The following METTL16 variants were observed in gnomAD, a reference collection of about 807,000 sequenced individuals.
METTL16 encodes the protein methyltransferase 16, RNA N6-adenosine.
METTL16 carries 19 observed loss-of-function variants against 57.9 expected under a neutral mutation model. The observed-to-expected ratio is 0.33, with a 90% CI of 0.23 to 0.48. The LOEUF (loss-of-function observed/expected upper bound fraction) is 0.48, where lower values mean the gene tolerates loss of function less well. METTL16 is among the 20% of genes least tolerant of loss of function. The pLI is 0.99. For synonymous variants in METTL16, 246 were observed against 255.6 expected, an observed-to-expected ratio of 0.96 and a Z score of 0.36; for missense variants, 434 against 691.5, an observed-to-expected ratio of 0.63 and a Z score of 4.18.
intron 5 of METTL16, among the ~76,000 whole-genome samples, chr17:2,467,535 C>T (rs1031133104): frequency 1.1e-4 from 16 of 152,146 alleles, no homozygotes; most frequent in Non-Finnish European, 2.1e-4. Context: ...TAGCGATTCT[C>T]CTGCCTCAAC....
At chr17:2,423,215 G>A (rs1478201729) in intron 8 of METTL16, among the ~76,000 whole-genome samples, 1 of 150,420 alleles carries the variant, frequency 6.6e-6, no homozygotes, top group African/African-American at 2.4e-5. Flanking sequence ...AACCTAACCA[G>A]TTTATTCTAT....
At chr17:2,473,789 A>G in intron 3 of METTL16, 125 bp from the exon 4 acceptor site, 2 of 998,234 alleles carry the variant, frequency 2.0e-6, no homozygotes, top group Non-Finnish European at 2.9e-6. Flanking sequence ...CCCAGGCTAC[A>G]GTGCAGTGGT....
At chr17:2,458,707 G>GAC (rs1272575633) in intron 6 of METTL16, among the ~76,000 whole-genome samples, 1 of 151,654 alleles carries the variant, frequency 6.6e-6, no homozygotes, top group East Asian at 1.9e-4. Context: ...GCAAGACTCT[G>GAC]ACACACACAC....
chr17:2,458,363 CAA>C (rs1464522414), intron 6 of METTL16, among the ~76,000 whole-genome samples: 2 of 149,958 alleles, frequency 1.3e-5, no homozygotes, highest in African/African-American at 4.9e-5. Flanking sequence ...TAACCAATGA[CAA>C]GAGAGAATCC....
chr17:2,462,269 G>T (rs527638402), intron 6 of METTL16, among the ~76,000 whole-genome samples: 1 of 152,300 alleles, frequency 6.6e-6, no homozygotes, highest in East Asian at 1.9e-4. Flanking sequence ...GAAGTGCCTA[G>T]AGTAGTCAAG....
chr17:2,423,543 G>A (rs953214554), intron 8 of METTL16, among the ~76,000 whole-genome samples: 1 of 152,128 alleles, frequency 6.6e-6, no homozygotes, highest in Admixed American at 6.5e-5. Context: ...TATTAAGCCG[G>A]TGTGTGGGAG....
In METTL16 at chr17:2,447,711, G is replaced by A. The variant is rs1471255145; in HGVS notation, c.729-6152C>T. On this transcript the variant is annotated intron_variant, in intron 6 of 9. Transcript: ENST00000263092. Reference sequence around the variant, plus strand: ...CCCCGTCCGGGAGGGGGGAGGGGGGGTCAGCCCCCCGCCCGGCCAGCCGCC... The same window carrying A: ...CCCCGTCCGGGAGGGGGGAGGGGGGATCAGCCCCCCGCCCGGCCAGCCGCC... 1.2e-3 allele frequency among the ~76,000 whole-genome samples: 164 copies of A among 142,554 alleles called. No individual in the cohort carries two copies. The South Asian group carries it at 0.035, about 31-fold the overall frequency. The allele number at this position is 142,554 out of a possible 152,430, so 93.5% of individuals were successfully genotyped here. A position where few individuals can be genotyped will look rare whatever the true frequency, so the allele number is the denominator to read the frequency against.
At chr17:2,496,439 C>T (rs7212209) in intron 2 of METTL16, among the ~76,000 whole-genome samples, 4,155 of 151,608 alleles carry the variant, frequency 0.027, 197 homozygotes, top group African/African-American at 0.07. Context: ...GCTGGGATTA[C>T]AGACGTGCAC....
chr17:2,511,646 G>A lies in METTL16; in HGVS notation c.-1+113C>T, dbSNP rs2067589922. On this transcript the variant is annotated intron_variant, in intron 1 of 9. Coordinates refer to ENST00000263092, the MANE Select transcript of METTL16 (RefSeq NM_024086.4). ...CAGCCACATCAGGTCTCCCCTCCTA[G>A]ACCCCGAAGTCGGCACCTCACTAGC... is the stretch of plus-strand genomic sequence containing the variant. The A allele has an allele frequency of 1.0e-5, 4 of 392,610 alleles. No individual in the cohort carries two copies. In the East Asian group the frequency reaches 1.4e-4, roughly 14 times the overall value. The allele number at this position is 392,610 out of a possible 1,614,324, so 24.3% of individuals were successfully genotyped here. A position where few individuals can be genotyped will look rare whatever the true frequency, so the allele number is the denominator to read the frequency against.
intron 2 of METTL16, among the ~76,000 whole-genome samples, chr17:2,494,865 G>C (rs548952048): frequency 6.6e-6 from 1 of 152,128 alleles, no homozygotes; most frequent in South Asian, 2.1e-4. Context: ...AGGCATGGTG[G>C]CGTGCACCTG....
intron 6 of METTL16, among the ~76,000 whole-genome samples, chr17:2,462,217 G>C (rs911831254): frequency 6.6e-6 from 1 of 152,172 alleles, no homozygotes; most frequent in Non-Finnish European, 1.5e-5. Context: ...AGTGAAAAAA[G>C]CCAGTCATAA....
At chr17:2,466,739 TA>T (rs1252359689) in intron 5 of METTL16, among the ~76,000 whole-genome samples, 1 of 152,206 alleles carries the variant, frequency 6.6e-6, no homozygotes, top group African/African-American at 2.4e-5. Context: ...GAATGCTATG[TA>T]AAAATAGTGA....
intron 2 of METTL16, among the ~76,000 whole-genome samples, chr17:2,484,042 G>A (rs776867822): frequency 6.6e-6 from 1 of 152,044 alleles, no homozygotes; most frequent in South Asian, 2.1e-4. Context: ...TATCTCAAAC[G>A]TAAAATTTCA....
intron 2 of METTL16, 123 bp downstream of exon 2, chr17:2,502,081 T>A (rs1024623281): frequency 8.9e-5 from 85 of 954,070 alleles, no homozygotes; most frequent in Non-Finnish European, 1.2e-4. Flanking sequence ...GTTAAGTGAT[T>A]TGTCCAAGGT....
intron 6 of METTL16, among the ~76,000 whole-genome samples, chr17:2,447,775 G>A (rs1358353019): frequency 7.9e-6 from 1 of 127,306 alleles, no homozygotes; most frequent in Admixed American, 7.2e-5. Flanking sequence ...CCCCCCGCCC[G>A]GCCAGCCGCC....
chr17:2,506,099 G>A (rs1294847859), intron 1 of METTL16, among the ~76,000 whole-genome samples: 2 of 151,804 alleles, frequency 1.3e-5, no homozygotes, highest in East Asian at 3.9e-4. Context: ...TCCTATGCAG[G>A]TTATTCTTTT....
At chr17:2,468,971 A>G (rs2067219906) in intron 4 of METTL16, among the ~76,000 whole-genome samples, 1 of 151,074 alleles carries the variant, frequency 6.6e-6, no homozygotes, top group African/African-American at 2.5e-5. Flanking sequence ...ATGGTGGCTC[A>G]TGCCTATAAT....
intron 2 of METTL16, among the ~76,000 whole-genome samples, chr17:2,486,722 C>A: frequency 6.6e-6 from 1 of 151,606 alleles, no homozygotes; most frequent in African/African-American, 2.4e-5. Context: ...ACTGTAATTC[C>A]AGCACTTTGG....
At chr17:2,451,488 G>A (rs149468339) in intron 6 of METTL16, among the ~76,000 whole-genome samples, 155 of 152,138 alleles carry the variant, frequency 1.0e-3, no homozygotes, top group African/African-American at 3.1e-3. Flanking sequence ...TGGTGTGGTG[G>A]TGCGCACCTG....
Sources: allele counts gnomAD v4.1 joint callset (sites outside exome capture counted in the v4.1 genomes callset), GRCh38; gene constraint gnomAD v4.1.1; transcripts MANE v1.5; gene names NCBI Gene and HGNC (gene_info 2026-07-23, HGNC 2026-07-21).